FAM186A: variants seen among roughly 807,000 people sequenced by gnomAD.
The protein encoded by FAM186A is family with sequence similarity 186 member A.
A neutral mutation model predicts 216.8 loss-of-function variants in FAM186A; 163 were observed. The observed-to-expected ratio is 0.75, with a 90% CI of 0.66 to 0.86. The LOEUF (loss-of-function observed/expected upper bound fraction) is 0.86. Ranked by LOEUF, FAM186A falls within the 40% of genes least tolerant of loss-of-function variation. The pLI, the probability that FAM186A is intolerant of heterozygous loss-of-function variation, is 0.00. For synonymous variants in FAM186A, 805 were observed against 1,025.3 expected (o/e 0.79, Z 4.10); for missense variants, 2,184 against 2,746.2 (o/e 0.80, Z 4.58).
At position 50,363,353 on chromosome 12, in the gene FAM186A, C is replaced by G. The variant is rs1408834504; in HGVS notation, c.204G>C (p.Met68Ile). Reference protein sequence around the residue: ...QLHRAREDIDMQLSEIMNNVH... With the variant: ...QLHRAREDIDIQLSEIMNNVH... ...CATTGTTCATTATTTCACTCAGCTG[C>G]ATATCAATGTCCTGTCAGAATAAGA... The change falls in exon 2 of 8, where the codon ATG (methionine) becomes ATC (isoleucine). Residue 68 changes from methionine to isoleucine, a missense_variant. Transcript: ENST00000327337. 6.5e-7 allele frequency: 1 copy of G among 1,549,596 alleles called. No individual in the cohort carries two copies.
At position 50,355,426 on chromosome 12, in the gene FAM186A, T is replaced by C. The variant is rs1942963773; in HGVS notation, c.1406A>G (p.Tyr469Cys). The change falls in exon 4 of 8, where the codon TAT becomes TGT. Residue 469 changes from tyrosine (Y) to cysteine (C), a missense_variant. Physicochemically the swap from Tyr to Cys is radical, Grantham distance 194. Transcript: ENST00000327337. The stretch of plus-strand genomic sequence containing the variant: ...ACTCAGATTTGGTCCAGAGGTCTCA[T>C]ATACATATGTGGCTTTTTTGTGGCT... The part of the protein sequence containing the change: ...KRSHKKATYV[Y>C]ETSGPNLSDN... 6.4e-7 allele frequency: 1 copy of C among 1,551,404 alleles called. No individual in the cohort carries two copies. Among genetic ancestry groups the C allele is most frequent in the African/African-American group, 1.4e-5 (1 of 73,170 alleles).
intron 1 of FAM186A, among the ~76,000 whole-genome samples, chr12:50,389,356 C>T (rs560662641): frequency 5.3e-5 from 8 of 152,014 alleles, no homozygotes; most frequent in South Asian, 2.1e-4. Flanking sequence ...CAAAATTAGC[C>T]GGGCATGGTG....
chr12:50,358,432 A>T (rs1942999023), intron 3 of FAM186A, among the ~76,000 whole-genome samples: 1 of 151,904 alleles, frequency 6.6e-6, no homozygotes, highest in Non-Finnish European at 1.5e-5. Flanking sequence ...AGTTTTTAAA[A>T]ATTAGCTGGG....
intron 1 of FAM186A, among the ~76,000 whole-genome samples, chr12:50,374,895 A>C (rs1943182587): frequency 6.6e-6 from 1 of 152,166 alleles, no homozygotes; most frequent in Non-Finnish European, 1.5e-5. Flanking sequence ...TTTACCAAAG[A>C]GGCCAGGAGC....
chr12:50,396,191 C>G (rs1943410812), intron 1 of FAM186A, 102 bp downstream of exon 1: 4 of 1,150,462 alleles, frequency 3.5e-6, no homozygotes, highest in Non-Finnish European at 4.7e-6. Flanking sequence ...TAAATACAGT[C>G]AAATATCATG....
intron 1 of FAM186A, among the ~76,000 whole-genome samples, chr12:50,388,981 C>T (rs534057126): frequency 3.0e-4 from 46 of 151,600 alleles, no homozygotes; most frequent in Middle Eastern, 6.8e-3. Context: ...GCCTGGGAGG[C>T]GTAGCGTAGG....
chr12:50,334,875 C>G (rs530587905), intron 4 of FAM186A, among the ~76,000 whole-genome samples: 5 of 152,202 alleles, frequency 3.3e-5, no homozygotes, highest in Admixed American at 6.5e-5. Context: ...TATGAATGAA[C>G]CTTCAAAAAT....
chr12:50,385,136 A>T (rs1027898822), intron 1 of FAM186A, among the ~76,000 whole-genome samples: 3 of 148,340 alleles, frequency 2.0e-5, no homozygotes, highest in Non-Finnish European at 4.5e-5. Context: ...ATGTGAAATT[A>T]TGGCCTGGCG....
intron 1 of FAM186A, among the ~76,000 whole-genome samples, chr12:50,368,863 C>G (rs998158721): frequency 6.6e-6 from 1 of 151,550 alleles, no homozygotes; most frequent in African/African-American, 2.4e-5. Flanking sequence ...TAAATAAACA[C>G]CAAGTTAACA....
chr12:50,365,596 A>G, intron 1 of FAM186A: 2 of 530,602 alleles, frequency 3.8e-6, no homozygotes, highest in African/African-American at 1.9e-5. Flanking sequence ...TAAGAGTAAG[A>G]TAAGTGTGTA....
chr12:50,379,485 CA>C (rs1186341500), intron 1 of FAM186A, among the ~76,000 whole-genome samples: 11 of 1,728 alleles, frequency 6.4e-3, no homozygotes, highest in South Asian at 0.029. Context: ...AAAACAAAAA[CA>C]AAAAAAAACT....
intron 1 of FAM186A, among the ~76,000 whole-genome samples, chr12:50,378,589 G>GTATATA (rs375076195): frequency 0.033 from 1,290 of 39,216 alleles, 29 homozygotes; most frequent in African/African-American, 0.049. Context: ...TATGTAAATT[G>GTATATA]TATATATATA....
Position 50,371,483 on chromosome 12 carries a change from G to T in FAM186A, c.193-8119C>A, listed in dbSNP as rs535495960. Among the ~76,000 whole-genome samples, 11 of 152,222 alleles carry T rather than the reference G, an allele frequency of 7.2e-5. No homozygotes were observed. In the South Asian group the frequency reaches 2.3e-3, roughly 32 times the overall value. On this transcript the variant is annotated intron_variant, in intron 1 of 7. Transcript: ENST00000327337. Reference sequence around the variant, plus strand: ...CAGCCTTAAAATTGAAGGATATTTTGACATACACTACAATATGGATGAACC... The same window carrying T: ...CAGCCTTAAAATTGAAGGATATTTTTACATACACTACAATATGGATGAACC...
chr12:50,350,355 A>G lies in FAM186A; in HGVS notation c.6477T>C (p.Ile2159=). The change falls in exon 4 of 8, where the codon ATT becomes ATC. Residue 2159 remains isoleucine, a synonymous_variant. Coordinates refer to ENST00000327337, the MANE Select transcript of FAM186A (RefSeq NM_001145475.3). ...TGGCATGCTGGATCAGCCTATAGGC[A>G]ATGTACTTGCGGAATAAGTATCCCA... ...VQLGYLFRKY[I]AYRLIQHARN... is the part of the protein sequence containing the mutation. 3 of 1,550,172 alleles carry G rather than the reference A, an allele frequency of 1.9e-6. No homozygotes were observed. The highest frequency in any genetic ancestry group is 2.6e-6 in the Non-Finnish European group (3 of 1,146,162).
At chr12:50,389,948 G>T (rs1351232513) in intron 1 of FAM186A, among the ~76,000 whole-genome samples, 1 of 152,146 alleles carries the variant, frequency 6.6e-6, no homozygotes. Context: ...TGTTTTCCTA[G>T]GTAGAGGCAC....
At chr12:50,335,350 C>T (rs1942697088) in intron 4 of FAM186A, among the ~76,000 whole-genome samples, 3 of 151,718 alleles carry the variant, frequency 2.0e-5, no homozygotes, top group Admixed American at 6.6e-5. Flanking sequence ...ATGTGTAAGA[C>T]ACATAGAAGG....
intron 1 of FAM186A, among the ~76,000 whole-genome samples, chr12:50,365,250 G>T (rs1412340611): frequency 1.3e-5 from 2 of 151,990 alleles, no homozygotes; most frequent in Non-Finnish European, 2.9e-5. Context: ...AACTGAATTT[G>T]TATCAGCCTC....
chr12:50,330,815 A>C (rs970954022), intron 6 of FAM186A, 57 bp from the exon 7 acceptor site: 1 of 1,406,422 alleles, frequency 7.1e-7, no homozygotes, highest in Non-Finnish European at 9.4e-7. Flanking sequence ...ATAGCCCATC[A>C]AAATATATCT....
chr12:50,354,307 T>G lies in FAM186A; in HGVS notation c.2525A>C (p.Gln842Pro). The G allele has an allele frequency of 6.4e-7, 1 of 1,551,710 alleles. No homozygotes were observed. The highest frequency in any genetic ancestry group is 8.7e-7 in the Non-Finnish European group (1 of 1,147,000). ...EQMSGMSLKQ[Q>P]LLGERNLLKE... Reference sequence around the variant, plus strand: ...CAAGAGATTTCTTTCTCCCAGCAACTGCTGTTTGAGACTCATGCCAGACAT... The same window carrying G: ...CAAGAGATTTCTTTCTCCCAGCAACGGCTGTTTGAGACTCATGCCAGACAT... The change falls in exon 4 of 8, where the codon CAG becomes CCG. Residue 842 changes from glutamine (Q) to proline (P), a missense_variant. Gln to Pro is a moderately conservative substitution (Grantham distance 76). Coordinates refer to ENST00000327337, the MANE Select transcript of FAM186A (RefSeq NM_001145475.3).
Sources: allele counts gnomAD v4.1 joint callset (sites outside exome capture counted in the v4.1 genomes callset), GRCh38; gene constraint gnomAD v4.1.1; transcripts MANE v1.5; gene names NCBI Gene and HGNC (gene_info 2026-07-23, HGNC 2026-07-21).